Variants in CADM2 observed in about 807,000 individuals in gnomAD.
The protein encoded by CADM2 is cell adhesion molecule 2, also known as immunoglobulin superfamily member 4D.
Under a neutral mutation model 49.8 loss-of-function variants are expected in CADM2, and 12 were observed. The observed-to-expected ratio is 0.24, with a 90% CI of 0.15 to 0.39. The LOEUF is 0.39. Ranked by LOEUF, CADM2 falls within the 10% of genes least tolerant of loss-of-function variation. The pLI is 1.00. For missense variants in CADM2, 378 were observed against 492.3 expected (o/e 0.77, Z 2.20); for synonymous variants, 214 against 175.4 (o/e 1.22, Z -1.74).
intron 7 of CADM2, among the ~76,000 whole-genome samples, chr3:85,936,204 A>T (rs1721173155): frequency 6.6e-6 from 1 of 151,844 alleles, no homozygotes; most frequent in Admixed American, 6.6e-5. Context: ...AAACTTAGAA[A>T]ATATTGAAGC....
At chr3:85,680,617 A>C (rs184858627) in intron 1 of CADM2, among the ~76,000 whole-genome samples, 1 of 152,262 alleles carries the variant, frequency 6.6e-6, no homozygotes, top group Admixed American at 6.5e-5. Context: ...CCTGCAATAA[A>C]ATTTAAAAAT....
Position 85,882,795 on chromosome 3 carries a change from C to T in CADM2, c.239-496C>T, listed in dbSNP as rs73147155. Among the ~76,000 whole-genome samples, 1,432 of 152,290 alleles carry T rather than the reference C, an allele frequency of 9.4e-3. 14 individuals carry two copies. The highest frequency in any genetic ancestry group is 0.044 in the Middle Eastern group (13 of 294). ...TAAAAGCCAGATAGTTTACAGGTGC[C>T]TTTCTGCTCAATATCAGCTCAAGTT... On this transcript the variant is annotated intron_variant, in intron 3 of 9. Coordinates refer to ENST00000383699, the MANE Select transcript of CADM2 (RefSeq NM_001167675.2).
chr3:85,943,366 T>A (rs1017849319), intron 7 of CADM2, among the ~76,000 whole-genome samples: 1 of 143,150 alleles, frequency 7.0e-6, no homozygotes, highest in African/African-American at 2.7e-5. Context: ...AATTTTGGCT[T>A]TTGTTGCCAT....
intron 2 of CADM2, among the ~76,000 whole-genome samples, chr3:85,745,255 G>A (rs1364584864): frequency 2.6e-5 from 4 of 152,222 alleles, no homozygotes; most frequent in East Asian, 3.9e-4. Context: ...ATTTTAAATT[G>A]AAGTTGTTAA....
chr3:85,464,235 A>G (rs1472083566), intron 1 of CADM2, among the ~76,000 whole-genome samples: 1 of 152,142 alleles, frequency 6.6e-6, no homozygotes, highest in Non-Finnish European at 1.5e-5. Flanking sequence ...AAATATGATT[A>G]TATATTTATT....
chr3:86,011,730 T>C (rs1398598984), intron 8 of CADM2, among the ~76,000 whole-genome samples: 2 of 151,942 alleles, frequency 1.3e-5, no homozygotes, highest in African/African-American at 2.4e-5. Context: ...TAATTGAAAA[T>C]GAGACTGTCC....
chr3:85,980,002 T>C (rs1054925329), intron 8 of CADM2, among the ~76,000 whole-genome samples: 2 of 151,428 alleles, frequency 1.3e-5, no homozygotes, highest in African/African-American at 4.8e-5. Flanking sequence ...TTGAGAAATA[T>C]AAAAAGTATT....
At position 85,873,153 on chromosome 3, in the gene CADM2, T is replaced by G. The variant is rs747084098; in HGVS notation, c.239-10138T>G. 1.2e-4 allele frequency among the ~76,000 whole-genome samples: 18 copies of G among 152,258 alleles called. No individual in the cohort carries two copies. In the Middle Eastern group the frequency reaches 0.01, roughly 86 times the overall value. ...GGAAGAGCCCTCATGACTTAATCAC[T>G]CTTTAAAGGGCCAACCTCTTAATAC... On this transcript the variant is annotated intron_variant, in intron 3 of 9. Coordinates refer to ENST00000383699, the MANE Select transcript of CADM2 (RefSeq NM_001167675.2).
At chr3:85,772,882 A>C (rs796527432) in intron 2 of CADM2, among the ~76,000 whole-genome samples, 5 of 125,588 alleles carry the variant, frequency 4.0e-5, no homozygotes, top group African/African-American at 1.5e-4. Flanking sequence ...TTTCATTTCC[A>C]GTTTTTTTTT....
chr3:85,752,725 C>T (rs148633506), intron 2 of CADM2, among the ~76,000 whole-genome samples: 3 of 151,640 alleles, frequency 2.0e-5, no homozygotes, highest in Non-Finnish European at 4.4e-5. Flanking sequence ...TTGCCCCACT[C>T]GTGGAAAGAA....
At chr3:85,236,602 AT>A (rs1476495538) in intron 1 of CADM2, among the ~76,000 whole-genome samples, 3 of 152,158 alleles carry the variant, frequency 2.0e-5, no homozygotes, top group East Asian at 1.9e-4. Context: ...TGATTTAAAT[AT>A]TTTTTAAGGA....
chr3:85,206,237 G>A (rs773529744), intron 1 of CADM2, among the ~76,000 whole-genome samples: 32 of 150,896 alleles, frequency 2.1e-4, no homozygotes, highest in Non-Finnish European at 2.8e-4. Context: ...TGAAGTCAAT[G>A]ACTCTTTTAT....
intron 5 of CADM2, among the ~76,000 whole-genome samples, chr3:85,904,021 G>A (rs893179181): frequency 6.6e-6 from 1 of 152,028 alleles, no homozygotes; most frequent in Non-Finnish European, 1.5e-5. Flanking sequence ...ATGGTTTAGC[G>A]TGCTTATCTC....
chr3:85,284,190 G>A (rs551870168), intron 1 of CADM2, among the ~76,000 whole-genome samples: 1 of 152,130 alleles, frequency 6.6e-6, no homozygotes, highest in Admixed American at 6.6e-5. Flanking sequence ...GAATTGTGTT[G>A]TCCTTTGAAA....
At chr3:85,441,032 T>G (rs2037178162) in intron 1 of CADM2, among the ~76,000 whole-genome samples, 1 of 152,106 alleles carries the variant, frequency 6.6e-6, no homozygotes, top group Admixed American at 6.6e-5. Flanking sequence ...TATTGGTATC[T>G]TTATAATACC....
At chr3:86,040,558 G>A (rs982777755) in intron 8 of CADM2, among the ~76,000 whole-genome samples, 25 of 152,112 alleles carry the variant, frequency 1.6e-4, no homozygotes, top group Non-Finnish European at 2.9e-5. Context: ...AACCAACAAA[G>A]CCTCCAAGAA....
intron 1 of CADM2, among the ~76,000 whole-genome samples, chr3:85,671,466 A>G (rs2065732671): frequency 6.6e-6 from 1 of 152,210 alleles, no homozygotes; most frequent in Non-Finnish European, 1.5e-5. Flanking sequence ...TTTCCAGTGC[A>G]GTTACAACTG....
chr3:85,669,007 G>A (rs1577053895), intron 1 of CADM2, among the ~76,000 whole-genome samples: 1 of 151,990 alleles, frequency 6.6e-6, no homozygotes, highest in Non-Finnish European at 1.5e-5. Context: ...TAAGAGCTGA[G>A]ATAATTTCAC....
chr3:85,063,460 G>A (rs563723294), intron 1 of CADM2, among the ~76,000 whole-genome samples: 43 of 152,068 alleles, frequency 2.8e-4, no homozygotes, highest in African/African-American at 9.9e-4. Context: ...TGTACTAAAT[G>A]TCATAGACAC....
Sources: allele counts gnomAD v4.1 joint callset (sites outside exome capture counted in the v4.1 genomes callset), GRCh38; gene constraint gnomAD v4.1.1; transcripts MANE v1.5; gene names NCBI Gene and HGNC (gene_info 2026-07-23, HGNC 2026-07-21).